The following GSG1L variants were observed in gnomAD, a reference collection of about 807,000 sequenced individuals.
GSG1L encodes GSG1 like, also known as germ cell-specific gene 1-like protein.
Under a neutral mutation model 42.1 loss-of-function variants are expected in GSG1L, and 24 were observed. The observed-to-expected ratio is 0.57, with a 90% CI of 0.41 to 0.80. GSG1L has a LOEUF of 0.80. GSG1L is among the 30% of genes least tolerant of loss of function. The probability of loss-of-function intolerance (pLI) is 0.00; values close to 1 mark genes in which losing one functional copy is unlikely to be tolerated. For missense variants in GSG1L, 445 were observed against 472.2 expected, an observed-to-expected ratio of 0.94 and a Z score of 0.53; for synonymous variants, 215 against 203.5, an observed-to-expected ratio of 1.06 and a Z score of -0.48.
chr16:28,035,618 C>A (rs1019137273), intron 1 of GSG1L, among the ~76,000 whole-genome samples: 4 of 151,882 alleles, frequency 2.6e-5, no homozygotes, highest in African/African-American at 9.7e-5. Flanking sequence ...ATAGCCCCGA[C>A]CTCCACACAA....
chr16:27,881,336 G>T (rs1459001227), intron 3 of GSG1L, among the ~76,000 whole-genome samples: 1 of 147,142 alleles, frequency 6.8e-6, no homozygotes, highest in South Asian at 2.1e-4. Flanking sequence ...CCACCTCCTG[G>T]GTTCAAGTGA....
chr16:28,038,273 G>T (rs2086063085), intron 1 of GSG1L, among the ~76,000 whole-genome samples: 1 of 139,012 alleles, frequency 7.2e-6, no homozygotes, highest in Non-Finnish European at 1.6e-5. Flanking sequence ...ACTACATCCA[G>T]CCTAGAATTT....
chr16:27,802,847 G>A (rs1225928978), intron 6 of GSG1L, among the ~76,000 whole-genome samples: 1 of 151,864 alleles, frequency 6.6e-6, no homozygotes, highest in Non-Finnish European at 1.5e-5. Flanking sequence ...TCAAGATGGG[G>A]TCTTGCTATG....
intron 2 of GSG1L, among the ~76,000 whole-genome samples, chr16:27,914,818 A>G (rs762192010): frequency 1.3e-5 from 2 of 152,202 alleles, no homozygotes; most frequent in Non-Finnish European, 2.9e-5. Context: ...AACCAGGCTG[A>G]TAGGTCAATC....
chr16:27,818,925 T>G (rs1027772023), intron 5 of GSG1L, among the ~76,000 whole-genome samples: 1 of 152,174 alleles, frequency 6.6e-6, no homozygotes, highest in African/African-American at 2.4e-5. Flanking sequence ...ATTTACAGTT[T>G]TGTCTCCCGT....
intron 1 of GSG1L, among the ~76,000 whole-genome samples, chr16:27,991,563 C>G (rs2085456548): frequency 6.6e-6 from 1 of 151,936 alleles, no homozygotes; most frequent in African/African-American, 2.4e-5. Flanking sequence ...CACCACCACG[C>G]CTGGCTAACT....
intron 1 of GSG1L, among the ~76,000 whole-genome samples, chr16:28,003,999 G>C (rs953240718): frequency 6.6e-6 from 1 of 152,250 alleles, no homozygotes; most frequent in Non-Finnish European, 1.5e-5. Context: ...GGGCGGCACA[G>C]CTGCTGGTGC....
chr16:28,029,876 G>A (rs747567164), intron 1 of GSG1L, among the ~76,000 whole-genome samples: 6 of 152,218 alleles, frequency 3.9e-5, no homozygotes, highest in African/African-American at 1.4e-4. Context: ...GCGTGTGTGT[G>A]TGTGTGCATG....
chr16:27,794,722 A>G (rs1195993636), intron 6 of GSG1L, among the ~76,000 whole-genome samples: 2 of 152,168 alleles, frequency 1.3e-5, no homozygotes, highest in African/African-American at 4.8e-5. Context: ...TGTATTTTCA[A>G]CAATCTGTGG....
intron 1 of GSG1L, among the ~76,000 whole-genome samples, chr16:27,973,243 A>T (rs1287975563): frequency 1.3e-5 from 2 of 151,990 alleles, no homozygotes; most frequent in Non-Finnish European, 2.9e-5. Context: ...TGAGGTCAGG[A>T]TTTCAAGACC....
intron 3 of GSG1L, among the ~76,000 whole-genome samples, chr16:27,863,899 C>G (rs1233724385): frequency 6.6e-6 from 1 of 152,178 alleles, no homozygotes; most frequent in Non-Finnish European, 1.5e-5. Context: ...CTAGCTCAAA[C>G]TGGGTTTTTT....
At chr16:27,858,907 G>A (rs2083610036) in intron 3 of GSG1L, among the ~76,000 whole-genome samples, 1 of 152,348 alleles carries the variant, frequency 6.6e-6, no homozygotes, top group Admixed American at 6.5e-5. Context: ...AGGAAGTCAG[G>A]GTAGGCCTCC....
At chr16:27,896,110 G>A (rs1378972486) in intron 2 of GSG1L, among the ~76,000 whole-genome samples, 3 of 152,202 alleles carry the variant, frequency 2.0e-5, no homozygotes, top group Admixed American at 1.3e-4. Flanking sequence ...GCACATAGGA[G>A]TGTAAGGAGC....
rs182009990 is a variant in GSG1L at position 27,997,010 on chromosome 16, C to T, written c.350-33807G>A. Among the ~76,000 whole-genome samples, 522 of 152,336 alleles carry T rather than the reference C, an allele frequency of 3.4e-3. 5 individuals carry two copies. The highest frequency in any genetic ancestry group is 0.034 in the South Asian group (162 of 4,822). On this transcript the variant is annotated intron_variant, in intron 1 of 6. Coordinates refer to ENST00000447459, the MANE Select transcript of GSG1L (RefSeq NM_001109763.2). ...CTTCTGACTTCAGGTGATCCACCCA[C>T]CTCGGCCTCCCAAAGTGCTGGGATT...
chr16:27,997,173 C>T (rs867411946), intron 1 of GSG1L, among the ~76,000 whole-genome samples: 2 of 152,102 alleles, frequency 1.3e-5, no homozygotes, highest in Non-Finnish European at 2.9e-5. Flanking sequence ...ATATCATGTC[C>T]TTGCCTCTTC....
chr16:27,976,329 G>A (rs1030183861), intron 1 of GSG1L, among the ~76,000 whole-genome samples: 14 of 152,134 alleles, frequency 9.2e-5, no homozygotes, highest in Admixed American at 2.6e-4. Flanking sequence ...GAGGCCACAT[G>A]TTTTCAGCAA....
intron 2 of GSG1L, among the ~76,000 whole-genome samples, chr16:27,945,617 G>C (rs2084852183): frequency 6.6e-6 from 1 of 152,220 alleles, no homozygotes; most frequent in African/African-American, 2.4e-5. Flanking sequence ...GCAGACGCCT[G>C]AGCAAAGTAA....
intron 2 of GSG1L, among the ~76,000 whole-genome samples, chr16:27,946,626 AGAG>A (rs2084870923): frequency 5.0e-4 from 9 of 18,170 alleles, no homozygotes; most frequent in South Asian, 5.1e-3. Context: ...AGAGAGAGAG[AGAG>A]AGAAAGAAAG....
At chr16:27,994,300 G>A (rs544447770) in intron 1 of GSG1L, among the ~76,000 whole-genome samples, 5 of 152,010 alleles carry the variant, frequency 3.3e-5, no homozygotes, top group South Asian at 4.2e-4. Flanking sequence ...GGTCCCTTGG[G>A]GGGGTTCAGA....
Sources: allele counts gnomAD v4.1 joint callset (sites outside exome capture counted in the v4.1 genomes callset), GRCh38; gene constraint gnomAD v4.1.1; transcripts MANE v1.5; gene names NCBI Gene and HGNC (gene_info 2026-07-23, HGNC 2026-07-21).